EXOC4: variants seen among roughly 807,000 people sequenced by gnomAD.
EXOC4 encodes the protein SEC8-like 1.
EXOC4 carries 71 observed loss-of-function variants against 107.2 expected under a neutral mutation model. The observed-to-expected ratio is 0.66, with a 90% CI of 0.55 to 0.81. EXOC4 has a LOEUF of 0.81. Ranked by LOEUF, EXOC4 falls within the 30% of genes least tolerant of loss-of-function variation. The pLI is 0.00. For missense variants in EXOC4, 1,108 were observed against 1,189.6 expected, an observed-to-expected ratio of 0.93 and a Z score of 1.01; for synonymous variants, 456 against 441.2, an observed-to-expected ratio of 1.03 and a Z score of -0.42.
intron 17 of EXOC4, among the ~76,000 whole-genome samples, chr7:134,051,708 C>T (rs1043817486): frequency 1.5e-5 from 2 of 135,220 alleles, no homozygotes; most frequent in East Asian, 2.3e-4. Context: ...CTACCTGGGC[C>T]GATGCAGAGG....
At chr7:133,759,823 G>A (rs947058153) in intron 10 of EXOC4, among the ~76,000 whole-genome samples, 6 of 152,146 alleles carry the variant, frequency 3.9e-5, no homozygotes, top group African/African-American at 1.4e-4. Flanking sequence ...CAGAGTTTAG[G>A]AAGGAGTACA....
At chr7:133,613,506 C>G (rs944037455) in intron 9 of EXOC4, among the ~76,000 whole-genome samples, 1 of 151,680 alleles carries the variant, frequency 6.6e-6, no homozygotes, top group African/African-American at 2.4e-5. Flanking sequence ...GTGTTTAGTG[C>G]AATACTGTAA....
chr7:133,336,030 T>C (rs865847066), intron 5 of EXOC4, among the ~76,000 whole-genome samples: 11 of 152,222 alleles, frequency 7.2e-5, no homozygotes, highest in Non-Finnish European at 1.2e-4. Context: ...CATTTCAAAA[T>C]TGGATTATTT....
intron 14 of EXOC4, among the ~76,000 whole-genome samples, chr7:133,973,314 G>A (rs1249538596): frequency 6.6e-6 from 1 of 152,222 alleles, no homozygotes; most frequent in Non-Finnish European, 1.5e-5. Flanking sequence ...GCATTCTGGA[G>A]AAGATGGCAC....
chr7:133,814,106 A>G (rs1797304821), intron 10 of EXOC4, among the ~76,000 whole-genome samples: 1 of 152,148 alleles, frequency 6.6e-6, no homozygotes, highest in Non-Finnish European at 1.5e-5. Context: ...AAAAGTTATA[A>G]TTCAAAAGTC....
chr7:133,473,839 T>C (rs1563079102), intron 7 of EXOC4, among the ~76,000 whole-genome samples: 2 of 151,868 alleles, frequency 1.3e-5, no homozygotes, highest in Non-Finnish European at 2.9e-5. Context: ...TAGCTGGGAC[T>C]ACAGGCACCA....
chr7:133,665,901 A>C (rs1013917442), intron 10 of EXOC4, among the ~76,000 whole-genome samples: 1 of 152,200 alleles, frequency 6.6e-6, no homozygotes, highest in Non-Finnish European at 1.5e-5. Flanking sequence ...TAAGAACAAA[A>C]GAGTTTCAAG....
Position 133,964,178 on chromosome 7 carries a change from C to G in EXOC4, c.2206+26109C>G, listed in dbSNP as rs116008977. ...GGGGAAGAAAGTAAACCCCAAACCT[C>G]CTTAGAAAAATCAGCAAAAGAACCA... On this transcript the variant is annotated intron_variant, in intron 14 of 17. Transcript: ENST00000253861. Among the ~76,000 whole-genome samples, 402 of 152,224 alleles carry G rather than the reference C, an allele frequency of 2.6e-3. 5 individuals are homozygous for G. The highest frequency in any genetic ancestry group is 9.1e-3 in the African/African-American group (378 of 41,524).
At chr7:134,039,407 A>T (rs1488904570) in intron 17 of EXOC4, among the ~76,000 whole-genome samples, 1 of 152,190 alleles carries the variant, frequency 6.6e-6, no homozygotes, top group African/African-American at 2.4e-5. Context: ...ATTTTACCAA[A>T]TTTTGAAAAG....
chr7:133,855,156 A>T (rs866171129), intron 11 of EXOC4, among the ~76,000 whole-genome samples: 67 of 129,666 alleles, frequency 5.2e-4, no homozygotes, highest in African/African-American at 2.0e-3. Flanking sequence ...TATATATATA[A>T]ATATATATAT....
intron 5 of EXOC4, among the ~76,000 whole-genome samples, chr7:133,327,042 C>A (rs1314460417): frequency 3.3e-5 from 5 of 152,122 alleles, no homozygotes; most frequent in African/African-American, 9.7e-5. Context: ...GTGCCATTTG[C>A]TAAGACTGTT....
chr7:133,814,464 A>G (rs893544613), intron 10 of EXOC4, among the ~76,000 whole-genome samples: 1 of 152,204 alleles, frequency 6.6e-6, no homozygotes, highest in African/African-American at 2.4e-5. Flanking sequence ...GCCTAAAAAC[A>G]ATGCTGTAAT....
intron 9 of EXOC4, among the ~76,000 whole-genome samples, chr7:133,553,083 C>T (rs903153124): frequency 6.6e-6 from 1 of 152,088 alleles, no homozygotes; most frequent in Admixed American, 6.6e-5. Flanking sequence ...CTTACAATAT[C>T]TCAGGCACTG....
At chr7:133,648,946 A>C (rs1176698259) in intron 10 of EXOC4, among the ~76,000 whole-genome samples, 1 of 152,152 alleles carries the variant, frequency 6.6e-6, no homozygotes, top group African/African-American at 2.4e-5. Flanking sequence ...TAGTGCCTTT[A>C]ATATCACAAA....
At chr7:133,541,798 T>C (rs564730458) in intron 9 of EXOC4, among the ~76,000 whole-genome samples, 8 of 152,212 alleles carry the variant, frequency 5.3e-5, no homozygotes, top group African/African-American at 1.9e-4. Context: ...ATTTGGTGAA[T>C]GAATAAGCAG....
intron 9 of EXOC4, among the ~76,000 whole-genome samples, chr7:133,542,978 C>T (rs540655655): frequency 3.2e-4 from 49 of 151,998 alleles, no homozygotes; most frequent in East Asian, 9.7e-4. Context: ...TGCCTGAAGA[C>T]GACCATAGCT....
At chr7:133,456,114 C>T (rs1798457532) in intron 7 of EXOC4, among the ~76,000 whole-genome samples, 1 of 152,068 alleles carries the variant, frequency 6.6e-6, no homozygotes, top group Admixed American at 6.6e-5. Flanking sequence ...ACATTTTTAT[C>T]AGTTGAAGGT....
intron 11 of EXOC4, among the ~76,000 whole-genome samples, chr7:133,828,277 A>G (rs987342599): frequency 3.3e-5 from 5 of 152,196 alleles, no homozygotes; most frequent in Admixed American, 6.5e-5. Context: ...CTTAAATGTT[A>G]GAGAAGAGGA....
chr7:133,423,403 C>T (rs1797648407), intron 7 of EXOC4, among the ~76,000 whole-genome samples: 1 of 152,284 alleles, frequency 6.6e-6, no homozygotes, highest in Middle Eastern at 3.4e-3. Context: ...TTTGTCCTCA[C>T]TTTAGGTAAG....
Sources: allele counts gnomAD v4.1 joint callset (sites outside exome capture counted in the v4.1 genomes callset), GRCh38; gene constraint gnomAD v4.1.1; transcripts MANE v1.5; gene names NCBI Gene and HGNC (gene_info 2026-07-23, HGNC 2026-07-21).